KIAA1958: variants seen among roughly 807,000 people sequenced by gnomAD.
The protein encoded by KIAA1958 is uncharacterized protein KIAA1958.
In KIAA1958, 14 loss-of-function variants were observed where a neutral mutation model predicts 47.2. That is an observed-to-expected ratio of 0.30 (90% CI 0.20 to 0.46). The LOEUF is 0.46. Ranked by LOEUF, KIAA1958 falls within the 20% of genes least tolerant of loss-of-function variation. KIAA1958 has a pLI of 1.00. For synonymous variants in KIAA1958, 354 were observed against 353.3 expected, an observed-to-expected ratio of 1.00 and a Z score of -0.02; for missense variants, 803 against 909.2, an observed-to-expected ratio of 0.88 and a Z score of 1.50.
intron 2 of KIAA1958, among the ~76,000 whole-genome samples, chr9:112,619,851 T>C (rs939562912): frequency 1.9e-4 from 29 of 152,122 alleles, no homozygotes; most frequent in African/African-American, 2.4e-5. Flanking sequence ...GAAGCAGTAG[T>C]CGAGACAACA....
chr9:112,626,495 C>A (rs1295089475), intron 2 of KIAA1958, among the ~76,000 whole-genome samples: 1 of 151,992 alleles, frequency 6.6e-6, no homozygotes, highest in East Asian at 1.9e-4. Context: ...TTTGAAAATG[C>A]TTTGGCATTG....
At chr9:112,651,685 T>C (rs62575204) in intron 3 of KIAA1958, among the ~76,000 whole-genome samples, 10,404 of 151,952 alleles carry the variant, frequency 0.068, 444 homozygotes, top group East Asian at 0.1. Flanking sequence ...TGTGAGCCAC[T>C]GTGCCTGGCC....
At chr9:112,560,188 TTTTC>T (rs1835302528) in intron 1 of KIAA1958, among the ~76,000 whole-genome samples, 1 of 133,052 alleles carries the variant, frequency 7.5e-6, no homozygotes, top group Admixed American at 7.7e-5. Context: ...GCTGCTTTTT[TTTTC>T]TTTTTCTTTT....
chr9:112,617,374 C>T (rs1357468886), intron 2 of KIAA1958, among the ~76,000 whole-genome samples: 1 of 152,192 alleles, frequency 6.6e-6, no homozygotes, highest in Non-Finnish European at 1.5e-5. Flanking sequence ...TCTGCTTTGT[C>T]ATTTTTAAAT....
rs151334621 is a variant in KIAA1958 at position 112,630,594 on chromosome 9, A to C, written c.1172-15056A>C. On this transcript the variant is annotated intron_variant, in intron 2 of 3. Transcript: ENST00000337530. The stretch of plus-strand genomic sequence containing the variant: ...AGTCAGATATAATTCTCCATGTACC[A>C]TTTATTACCTTTAGCACATATTACA... 4.4e-3 allele frequency among the ~76,000 whole-genome samples: 673 copies of C among 152,342 alleles called. 8 individuals carry two copies. Among genetic ancestry groups the C allele is most frequent in the African/African-American group, 0.015 (608 of 41,572 alleles).
chr9:112,517,760 TA>T (rs1229256578), intron 1 of KIAA1958, among the ~76,000 whole-genome samples: 2 of 152,104 alleles, frequency 1.3e-5, no homozygotes, highest in African/African-American at 4.8e-5. Flanking sequence ...GGAGCCAAGA[TA>T]AAAAAGATGG....
At chr9:112,611,281 T>G (rs1247604388) in intron 2 of KIAA1958, among the ~76,000 whole-genome samples, 1 of 152,132 alleles carries the variant, frequency 6.6e-6, no homozygotes, top group African/African-American at 2.4e-5. Context: ...AAAGAAGTGA[T>G]AAAATTACCA....
intron 1 of KIAA1958, among the ~76,000 whole-genome samples, chr9:112,549,479 T>C (rs1212738007): frequency 6.6e-6 from 1 of 152,254 alleles, no homozygotes; most frequent in Non-Finnish European, 1.5e-5. Flanking sequence ...GTTTATGGAC[T>C]TTCAACACTG....
chr9:112,563,454 G>T (rs1835373084), intron 1 of KIAA1958, among the ~76,000 whole-genome samples: 1 of 152,068 alleles, frequency 6.6e-6, no homozygotes, highest in Non-Finnish European at 1.5e-5. Flanking sequence ...TCTTTTGTAA[G>T]AATTATTCCT....
intron 1 of KIAA1958, among the ~76,000 whole-genome samples, chr9:112,499,151 C>T (rs556890885): frequency 1.1e-4 from 16 of 152,250 alleles, no homozygotes; most frequent in African/African-American, 3.9e-4. Flanking sequence ...GGTTGATGGA[C>T]ATTTGGTTTG....
intron 2 of KIAA1958, among the ~76,000 whole-genome samples, chr9:112,586,190 A>AT (rs1299306306): frequency 7.9e-5 from 12 of 152,246 alleles, no homozygotes; most frequent in African/African-American, 2.9e-4. Flanking sequence ...TGATATATGA[A>AT]TAACAGTGGT....
At chr9:112,506,185 G>A (rs1158522828) in intron 1 of KIAA1958, among the ~76,000 whole-genome samples, 2 of 152,250 alleles carry the variant, frequency 1.3e-5, no homozygotes, top group East Asian at 1.9e-4. Flanking sequence ...GGCCAGGCGC[G>A]GTGGCTCACA....
In KIAA1958 at chr9:112,667,035, ATAT is replaced by A. The variant is rs1056055549; in HGVS notation, c.*6970_*6972del. The A allele has an allele frequency of 5.3e-5, 8 of 152,204 alleles. No individual in the cohort carries two copies. The highest frequency in any genetic ancestry group is 4.1e-4 in the South Asian group (2 of 4,834). 9.4% of individuals were successfully genotyped at this position (152,204 alleles called of 1,614,324 possible). A position where few individuals can be genotyped will look rare whatever the true frequency, so the allele number is the denominator to read the frequency against. ...AATACCTGAGTAGCAGAACACGCAA[ATAT>A]TATGATTTTTTATGTATGATGTTGG... On this transcript the variant is annotated 3_prime_UTR_variant, in exon 4 of 4. Coordinates refer to ENST00000337530, the MANE Select transcript of KIAA1958 (RefSeq NM_133465.4).
chr9:112,635,214 T>TTGTGTGTGTGTGTGTG (rs71999105), intron 2 of KIAA1958, among the ~76,000 whole-genome samples: 25 of 130,432 alleles, frequency 1.9e-4, no homozygotes, highest in African/African-American at 5.6e-4. Context: ...ATTCTTTATT[T>TTGTGTGTGTGTGTGTG]TGTGTGTGTG....
chr9:112,590,627 A>G (rs959340115), intron 2 of KIAA1958, among the ~76,000 whole-genome samples: 1 of 152,186 alleles, frequency 6.6e-6, no homozygotes, highest in African/African-American at 2.4e-5. Context: ...CTAGGATTAC[A>G]GGCATGAGCC....
chr9:112,618,992 C>A lies in KIAA1958; in HGVS notation c.1172-26658C>A. ...GTGATTATACACCGCTTCTCGTTCC[C>A]CTTCCTGTGCCCTCAGTGTTAATTC... On this transcript the variant is annotated intron_variant, in intron 2 of 3. Transcript: ENST00000337530. The surrounding 1 kb of genome is among the most constrained non-coding windows in gnomAD (Gnocchi z 7.1). 7.0e-7 allele frequency: 1 copy of A among 1,424,652 alleles called. No individual in the cohort carries two copies. Among genetic ancestry groups the A allele is most frequent in the Admixed American group, 2.8e-5 (1 of 35,650 alleles). 88.3% of individuals were successfully genotyped at this position (1,424,652 alleles called of 1,614,324 possible).
At chr9:112,536,565 A>G (rs1419793833) in intron 1 of KIAA1958, among the ~76,000 whole-genome samples, 1 of 152,236 alleles carries the variant, frequency 6.6e-6, no homozygotes, top group Non-Finnish European at 1.5e-5. Context: ...ACAGACCCAC[A>G]CATCTATGTC....
chr9:112,610,774 A>C (rs1280792242), intron 2 of KIAA1958, among the ~76,000 whole-genome samples: 1 of 152,198 alleles, frequency 6.6e-6, no homozygotes, highest in East Asian at 1.9e-4. Context: ...GCAGAACTAT[A>C]ATGGTAATAT....
chr9:112,592,905 A>G (rs1178245830), intron 2 of KIAA1958, among the ~76,000 whole-genome samples: 2 of 152,194 alleles, frequency 1.3e-5, no homozygotes, highest in East Asian at 1.9e-4. Flanking sequence ...GCTTGTGTCA[A>G]TTTTGCTACT....
Sources: gnomAD v4.1 joint callset for allele counts (sites outside exome capture counted in the v4.1 genomes callset) on GRCh38, gnomAD v4.1.1 for gene constraint, Gnocchi (gnomAD v3.1) non-coding constraint, MANE v1.5 for transcripts, NCBI Gene and HGNC (gene_info 2026-07-23, HGNC 2026-07-21) for gene names.